SERINC5: variants seen among roughly 807,000 people sequenced by gnomAD.
SERINC5 encodes the protein serine incorporator 5, also known as chromosome 5 open reading frame 12.
A neutral mutation model predicts 63.1 loss-of-function variants in SERINC5; 41 were observed. The observed-to-expected ratio is 0.65, with a 90% CI of 0.51 to 0.84. SERINC5 has a LOEUF of 0.84. SERINC5 is among the 40% of genes least tolerant of loss of function. The probability of loss-of-function intolerance (pLI) is 0.00; values close to 1 mark genes in which losing one functional copy is unlikely to be tolerated. For missense variants in SERINC5, 523 were observed against 573.0 expected (o/e 0.91, Z 0.89); for synonymous variants, 222 against 215.2 (o/e 1.03, Z -0.28).
intron 2 of SERINC5, chr5:80,198,538 G>A: frequency 2.0e-6 from 2 of 985,354 alleles, no homozygotes; most frequent in Non-Finnish European, 1.2e-6. Context: ...TGGGTAGGAG[G>A]CACTTACACA....
intron 1 of SERINC5, among the ~76,000 whole-genome samples, chr5:80,204,594 G>C (rs1192032578): frequency 2.0e-5 from 3 of 152,194 alleles, no homozygotes; most frequent in Non-Finnish European, 4.4e-5. Flanking sequence ...AATGGTTTGG[G>C]AGATGCCCAA....
At chr5:80,143,997 T>TAG in intron 11 of SERINC5, 187 bp from the exon 12 acceptor site, 1 of 666,848 alleles carries the variant, frequency 1.5e-6, no homozygotes, top group Admixed American at 2.9e-5. Context: ...ATGCACCCCT[T>TAG]AGGTGCTCTC....
At chr5:80,148,485 C>T (rs1199742436) in intron 9 of SERINC5, among the ~76,000 whole-genome samples, 3 of 151,800 alleles carry the variant, frequency 2.0e-5, no homozygotes, top group Admixed American at 1.3e-4. Context: ...CCACTGCACC[C>T]GGCCATTATT....
At chr5:80,189,110 G>A (rs1749020224) in intron 2 of SERINC5, among the ~76,000 whole-genome samples, 1 of 152,148 alleles carries the variant, frequency 6.6e-6, no homozygotes, top group African/African-American at 2.4e-5. Flanking sequence ...AAGGACAGAA[G>A]CTAAAGTCAG....
Position 80,169,576 on chromosome 5 carries a change from G to A in SERINC5, c.552-30C>T, listed in dbSNP as rs114276455. On this transcript the variant is annotated intron_variant, in intron 5 of 11. Coordinates refer to ENST00000507668, the MANE Select transcript of SERINC5 (RefSeq NM_001174072.3). ...TTCTCCGGGAAGTGGGTAAGAGGGAGAGGAGAGAAGACAAGTCAACGAAGC... is the reference window on the plus strand; with the variant it reads ...TTCTCCGGGAAGTGGGTAAGAGGGAAAGGAGAGAAGACAAGTCAACGAAGC... The A allele has an allele frequency of 5.9e-4, 924 of 1,566,420 alleles. 3 individuals carry two copies. In the African/African-American group the frequency reaches 0.011, roughly 18 times the overall value.
At chr5:80,190,736 CA>C (rs1484139433) in intron 2 of SERINC5, among the ~76,000 whole-genome samples, 1 of 152,168 alleles carries the variant, frequency 6.6e-6, no homozygotes. Context: ...TAATGTTCCC[CA>C]AAAGATAGGA....
chr5:80,149,431 C>T (rs977707834), intron 9 of SERINC5, among the ~76,000 whole-genome samples: 1 of 152,172 alleles, frequency 6.6e-6, no homozygotes, highest in Non-Finnish European at 1.5e-5. Context: ...AGGTCAGGTG[C>T]AAGAGAGACC....
intron 1 of SERINC5, among the ~76,000 whole-genome samples, chr5:80,232,297 G>A (rs533955857): frequency 3.8e-4 from 58 of 151,850 alleles, no homozygotes; most frequent in Non-Finnish European, 6.0e-4. Flanking sequence ...CCAGCTACTC[G>A]GGAGGCTGAG....
intron 1 of SERINC5, among the ~76,000 whole-genome samples, chr5:80,239,233 C>G (rs1409623919): frequency 6.6e-6 from 1 of 152,214 alleles, no homozygotes; most frequent in Non-Finnish European, 1.5e-5. Context: ...GCATTACGCC[C>G]ATCAGAAACC....
chr5:80,177,243 C>G, intron 4 of SERINC5, 72 bp downstream of exon 4: 1 of 1,055,200 alleles, frequency 9.5e-7, no homozygotes. Context: ...GTACTTTGGA[C>G]TGCGCTTCTG....
intron 1 of SERINC5, among the ~76,000 whole-genome samples, chr5:80,225,506 A>G (rs1751128485): frequency 6.6e-6 from 1 of 152,188 alleles, no homozygotes; most frequent in South Asian, 2.1e-4. Context: ...ATCATTCCCA[A>G]CATAGAGACA....
At chr5:80,200,337 T>A (rs1415368484) in intron 2 of SERINC5, among the ~76,000 whole-genome samples, 2 of 115,370 alleles carry the variant, frequency 1.7e-5, no homozygotes. Flanking sequence ...AAAAAAAAAA[T>A]TAGCCAGGCG....
intron 2 of SERINC5, among the ~76,000 whole-genome samples, chr5:80,201,241 G>A (rs4704634): frequency 0.21 from 31,331 of 152,178 alleles, 4,181 homozygotes; most frequent in East Asian, 0.45. Context: ...AGCCTGCTCC[G>A]GACTTCCCTC....
intron 10 of SERINC5, among the ~76,000 whole-genome samples, chr5:80,147,006 A>C (rs1745869052): frequency 6.6e-6 from 1 of 152,328 alleles, no homozygotes; most frequent in African/African-American, 2.4e-5. Flanking sequence ...TCACTGTATA[A>C]TTTAACTTAC....
At chr5:80,154,051 A>G (rs1179052599) in intron 8 of SERINC5, among the ~76,000 whole-genome samples, 1 of 152,114 alleles carries the variant, frequency 6.6e-6, no homozygotes, top group East Asian at 1.9e-4. Flanking sequence ...CCCTTGACAG[A>G]TCCCGTGACT....
intron 2 of SERINC5, among the ~76,000 whole-genome samples, chr5:80,197,875 C>T (rs1002519897): frequency 6.6e-6 from 1 of 152,124 alleles, no homozygotes; most frequent in Admixed American, 6.5e-5. Context: ...GAGTGTCACT[C>T]TGTCGCCAGG....
At chr5:80,134,391 CAGG>C, downstream of SERINC5, among the ~76,000 whole-genome samples, 1 of 152,256 alleles carries the variant, frequency 6.6e-6, no homozygotes, top group Non-Finnish European at 1.5e-5. Flanking sequence ...GAGGCTGACG[CAGG>C]AGAATCGTTT....
intron 1 of SERINC5, among the ~76,000 whole-genome samples, chr5:80,237,345 C>CTTTTTTTTTTTTTT (rs61277664): frequency 6.6e-6 from 1 of 150,838 alleles, no homozygotes; most frequent in Non-Finnish European, 1.5e-5. Flanking sequence ...CTTTCTCTCT[C>CTTTTTTTTTTTTTT]TTTTTTTTTC....
Position 80,156,096 on chromosome 5 carries a change from A to T in SERINC5, c.986+2740T>A, listed in dbSNP as rs139099608. Among the ~76,000 whole-genome samples the T allele has an allele frequency of 1.1e-3, 174 of 152,286 alleles. 1 individual carries two copies. Among genetic ancestry groups the T allele is most frequent in the African/African-American group, 4.0e-3 (168 of 41,568 alleles). Reference sequence around the variant, plus strand: ...GCTAGGGAGATTTCCAGTCTTCTACAACTTTACAAGAGTGGACCCCAGGCA... The same window carrying T: ...GCTAGGGAGATTTCCAGTCTTCTACTACTTTACAAGAGTGGACCCCAGGCA... On this transcript the variant is annotated intron_variant, in intron 8 of 11. Coordinates refer to ENST00000507668, the MANE Select transcript of SERINC5 (RefSeq NM_001174072.3).
Sources: allele counts gnomAD v4.1 joint callset (sites outside exome capture counted in the v4.1 genomes callset), GRCh38; gene constraint gnomAD v4.1.1; transcripts MANE v1.5; gene names NCBI Gene and HGNC (gene_info 2026-07-23, HGNC 2026-07-21).